XPO4: variants seen among roughly 807,000 people sequenced by gnomAD.
The protein encoded by XPO4 is exportin 4.
XPO4 carries 39 observed loss-of-function variants against 143.0 expected under a neutral mutation model. The ratio of observed to expected loss-of-function variants is 0.27; its 90% CI spans 0.21 to 0.36. The LOEUF (loss-of-function observed/expected upper bound fraction) is 0.36, where lower values mean the gene tolerates loss of function less well. Among genes scored for constraint, XPO4 ranks in the 10% least tolerant of loss-of-function variants. XPO4 has a pLI of 1.00. For synonymous variants in XPO4, 439 were observed against 474.0 expected (o/e 0.93, Z 0.96); for missense variants, 907 against 1,348.0 (o/e 0.67, Z 5.12).
chr13:20,830,544 A>G (rs906527525), intron 6 of XPO4, among the ~76,000 whole-genome samples: 1 of 152,216 alleles, frequency 6.6e-6, no homozygotes, highest in Non-Finnish European at 1.5e-5. Context: ...GTACTATATT[A>G]TACTTTTCAT....
chr13:20,849,588 G>T (rs918633948), intron 4 of XPO4: 1 of 985,236 alleles, frequency 1.0e-6, no homozygotes, highest in East Asian at 1.1e-4. Context: ...AAATAACCAC[G>T]TAACCTTTAT....
intron 1 of XPO4, among the ~76,000 whole-genome samples, chr13:20,886,811 T>C (rs1164106288): frequency 6.6e-6 from 1 of 151,688 alleles, no homozygotes; most frequent in Non-Finnish European, 1.5e-5. Context: ...TGTTAGCTCA[T>C]GCCTGTAATC....
At chr13:20,789,611 T>C (rs1034737748) in intron 19 of XPO4, among the ~76,000 whole-genome samples, 3 of 151,294 alleles carry the variant, frequency 2.0e-5, no homozygotes, top group Non-Finnish European at 4.4e-5. Flanking sequence ...GGTTTCACCA[T>C]GTTAGCCAGG....
At chr13:20,833,127 G>A (rs1311314372) in intron 6 of XPO4, among the ~76,000 whole-genome samples, 4 of 152,040 alleles carry the variant, frequency 2.6e-5, no homozygotes, top group South Asian at 4.1e-4. Flanking sequence ...ACTACTAGCC[G>A]AACTATATTT....
rs181900978 is a variant in XPO4 at position 20,902,215 on chromosome 13, T to C, written c.69+455A>G. On this transcript the variant is annotated intron_variant, in intron 1 of 22. Coordinates refer to ENST00000255305, the MANE Select transcript of XPO4 (RefSeq NM_022459.5). ...TCAGGGAAGCGCTAGAGGATGCGAA[T>C]GCACAGGAAACAAGGGTTGCTAACA... 5.0e-4 allele frequency: 497 copies of C among 985,338 alleles called. 1 individual carries two copies. Among genetic ancestry groups the C allele is most frequent in the Non-Finnish European group, 5.0e-4 (419 of 829,924 alleles). 61.0% of individuals were successfully genotyped at this position (985,338 alleles called of 1,614,324 possible).
chr13:20,893,914 G>A (rs2060543457), intron 1 of XPO4, among the ~76,000 whole-genome samples: 1 of 152,124 alleles, frequency 6.6e-6, no homozygotes, highest in South Asian at 2.1e-4. Context: ...CATGATCTTG[G>A]CTCACTGCAT....
rs2059460006 is a variant in XPO4, at chr13:20,803,282, CAGTCACTT to C, written c.1818-2300_1818-2293del. On this transcript the variant is annotated intron_variant, in intron 13 of 22. Transcript: ENST00000255305. This position sits in a 1 kb window ranked among gnomAD's most constrained non-coding sequence, Gnocchi z 4.1. ...GCTAACTGTCCACTCACTAGTGACT[CAGTCACTT>C]AGTCAGTGCCACACTGTTTGCAACT... is the stretch of plus-strand genomic sequence containing the variant. Among the ~76,000 whole-genome samples the C allele has an allele frequency of 2.6e-5, 4 of 152,186 alleles. No individual in the cohort carries two copies. Among genetic ancestry groups the C allele is most frequent in the African/African-American group, 9.6e-5 (4 of 41,456 alleles).
At chr13:20,845,128 C>T (rs1449603613) in intron 4 of XPO4, among the ~76,000 whole-genome samples, 2 of 152,186 alleles carry the variant, frequency 1.3e-5, no homozygotes, top group Non-Finnish European at 2.9e-5. Flanking sequence ...GCCGAGATCG[C>T]GCCACTACAC....
intron 3 of XPO4, chr13:20,857,915 T>TA (rs1299672511): frequency 1.0e-6 from 1 of 984,706 alleles, no homozygotes; most frequent in Non-Finnish European, 1.2e-6. Flanking sequence ...GAGGAAAAAA[T>TA]AAAAAAGAAA....
chr13:20,840,918 T>C lies in XPO4; in HGVS notation c.727+1977A>G, dbSNP rs972993652. ...TTTCTTTAAACAAGGAATTATTTCCTTTGGCAACACTGCAGTATTGCTTAT... is the reference window on the plus strand; with the variant it reads ...TTTCTTTAAACAAGGAATTATTTCCCTTGGCAACACTGCAGTATTGCTTAT... On this transcript the variant is annotated intron_variant, in intron 6 of 22. Coordinates refer to ENST00000255305, the MANE Select transcript of XPO4 (RefSeq NM_022459.5). 2.6e-5 allele frequency among the ~76,000 whole-genome samples: 4 copies of C among 152,044 alleles called. No homozygotes were observed. The East Asian group carries it at 5.8e-4, about 22-fold the overall frequency.
At chr13:20,798,936 G>A (rs1358948100) in intron 16 of XPO4, among the ~76,000 whole-genome samples, 3 of 151,558 alleles carry the variant, frequency 2.0e-5, no homozygotes, top group Non-Finnish European at 2.9e-5. Context: ...CAGGAGAATC[G>A]CTTGAACCTG....
chr13:20,835,067 CA>C (rs1442705444), intron 6 of XPO4, among the ~76,000 whole-genome samples: 1 of 152,124 alleles, frequency 6.6e-6, no homozygotes, highest in Non-Finnish European at 1.5e-5. Flanking sequence ...TGCAGTGGTG[CA>C]ATCATAGTTC....
rs57528913 is a variant in XPO4 at position 20,891,122 on chromosome 13, TAAAA to T, written c.69+11544_69+11547del. The stretch of plus-strand genomic sequence containing the variant: ...ACAAGAGCAAAACTCCATCTCAATT[TAAAA>T]AAAAAAAAAAAAAAAAAAAAAAAAG... On this transcript the variant is annotated intron_variant, in intron 1 of 22. Coordinates refer to ENST00000255305, the MANE Select transcript of XPO4 (RefSeq NM_022459.5). Among the ~76,000 whole-genome samples the T allele has an allele frequency of 3.4e-4, 29 of 86,008 alleles. 1 individual carries two copies. The highest frequency in any genetic ancestry group is 7.3e-4 in the Admixed American group (5 of 6,854). The allele number at this position is 86,008 out of a possible 152,430, so 56.4% of individuals were successfully genotyped here.
chr13:20,883,333 C>T (rs1462239180), intron 1 of XPO4, among the ~76,000 whole-genome samples: 2 of 152,226 alleles, frequency 1.3e-5, no homozygotes, highest in Non-Finnish European at 2.9e-5. Flanking sequence ...TGATGAGAAA[C>T]ACTAAAAATC....
At chr13:20,876,647 C>A (rs191631727) in intron 1 of XPO4, among the ~76,000 whole-genome samples, 353 of 152,184 alleles carry the variant, frequency 2.3e-3, no homozygotes, top group African/African-American at 7.6e-3. Context: ...AGCAAAAATT[C>A]TTTTTAAAAA....
chr13:20,851,711 C>CAAAAAAAAAA (rs11340357), intron 4 of XPO4: 5 of 681,868 alleles, frequency 7.3e-6, no homozygotes, highest in African/African-American at 5.3e-5. Flanking sequence ...CCCGGTCTCA[C>CAAAAAAAAAA]AAAAAAAAAA....
intron 6 of XPO4, among the ~76,000 whole-genome samples, chr13:20,837,567 G>A (rs1211213508): frequency 6.6e-6 from 1 of 152,016 alleles, no homozygotes; most frequent in African/African-American, 2.4e-5. Context: ...CACCATGCCT[G>A]GCTAATTTTT....
In XPO4 at chr13:20,841,361, A is replaced by T. The variant is rs1311996078; in HGVS notation, c.727+1534T>A. ...AAAGCCTGCCTTACCAACTTTATTT[A>T]AAAAAACAAACAAACAAAAAACCTA... On this transcript the variant is annotated intron_variant, in intron 6 of 22. Coordinates refer to ENST00000255305, the MANE Select transcript of XPO4 (RefSeq NM_022459.5). Among the ~76,000 whole-genome samples, 15 of 134,902 alleles carry T rather than the reference A, an allele frequency of 1.1e-4. No individual in the cohort carries two copies. In the Admixed American group the frequency reaches 1.2e-3, roughly 11 times the overall value. 88.5% of individuals were successfully genotyped at this position (134,902 alleles called of 152,430 possible). A position where few individuals can be genotyped will look rare whatever the true frequency, so the allele number is the denominator to read the frequency against.
In XPO4 at chr13:20,809,966, A is replaced by G; in HGVS notation, c.1175T>C (p.Leu392Pro). Residue 392 changes from leucine to proline, a missense_variant and splice_region_variant, in exon 10 of 23, where the codon CTT becomes CCT. Leu to Pro is a moderately conservative substitution (Grantham distance 98). Coordinates refer to ENST00000255305, the MANE Select transcript of XPO4 (RefSeq NM_022459.5). Reference protein sequence around the residue: ...FGRSAALEEVLDKDDMVYMEA... With the variant: ...FGRSAALEEVPDKDDMVYMEA... ...CATGTATACCATGTCATCTTTATCA[A>G]GCTAAAAGAAAAGAACACTCATAAA... 3 of 1,599,568 alleles carry G rather than the reference A, an allele frequency of 1.9e-6. No individual in the cohort carries two copies. Among genetic ancestry groups the G allele is most frequent in the Non-Finnish European group, 2.6e-6 (3 of 1,173,892 alleles).
Sources: gnomAD v4.1 joint callset for allele counts (sites outside exome capture counted in the v4.1 genomes callset) on GRCh38, gnomAD v4.1.1 for gene constraint, Gnocchi (gnomAD v3.1) non-coding constraint, MANE v1.5 for transcripts, NCBI Gene and HGNC (gene_info 2026-07-23, HGNC 2026-07-21) for gene names.